CASP2: variants seen among roughly 807,000 people sequenced by gnomAD.
CASP2 encodes the protein caspase-2.
A neutral mutation model predicts 54.4 loss-of-function variants in CASP2; 38 were observed. The observed-to-expected ratio is 0.70, with a 90% CI of 0.54 to 0.92. The LOEUF (loss-of-function observed/expected upper bound fraction) is 0.92. Ranked by LOEUF, CASP2 falls within the 40% of genes least tolerant of loss-of-function variation. CASP2 has a pLI of 0.00. For synonymous variants in CASP2, 215 were observed against 216.3 expected, an observed-to-expected ratio of 0.99 and a Z score of 0.05; for missense variants, 512 against 579.6, an observed-to-expected ratio of 0.88 and a Z score of 1.20.
intron 8 of CASP2, chr7:143,302,549 T>C (rs1801946173): frequency 6.6e-6 from 1 of 152,200 alleles, no homozygotes; most frequent in South Asian, 2.1e-4. Context: ...TTCTCTTCAC[T>C]CTATCCCTAG....
chr7:143,289,653 A>G, intron 1 of CASP2: 1 of 972,644 alleles, frequency 1.0e-6, no homozygotes, highest in Non-Finnish European at 1.2e-6. Flanking sequence ...CTGCTGCACC[A>G]CTGGTTAGTA....
intron 9 of CASP2, 117 bp downstream of exon 9, chr7:143,304,050 T>C: frequency 1.8e-6 from 2 of 1,091,462 alleles, no homozygotes; most frequent in South Asian, 2.7e-5. Context: ...CAGAAGTGTT[T>C]CAGATTTTGG....
At chr7:143,300,542 C>A in intron 8 of CASP2, 1 of 1,536,220 alleles carries the variant, frequency 6.5e-7, no homozygotes, top group Non-Finnish European at 8.7e-7. Context: ...TTTCAGGTCT[C>A]TTATCCCGTG....
At chr7:143,290,481 T>C (rs1024494933) in intron 1 of CASP2, 2 of 152,218 alleles carry the variant, frequency 1.3e-5, no homozygotes, top group Non-Finnish European at 2.9e-5. Context: ...CTGTTACATA[T>C]GTGGAAAATG....
chr7:143,297,774 CTTCT>C (rs1801799797), intron 6 of CASP2, among the ~76,000 whole-genome samples: 1 of 152,340 alleles, frequency 6.6e-6, no homozygotes, highest in Non-Finnish European at 1.5e-5. Flanking sequence ...GCAAAATTAA[CTTCT>C]TTAACTATTA....
At chr7:143,291,389 C>A in intron 1 of CASP2, 151 bp from the exon 2 acceptor site, 1 of 765,868 alleles carries the variant, frequency 1.3e-6, no homozygotes, top group South Asian at 1.5e-5. Context: ...CTGCTTAGTA[C>A]ATCTTTGCTT....
chr7:143,289,734 A>G (rs1801496802), intron 1 of CASP2: 1 of 417,016 alleles, frequency 2.4e-6, no homozygotes, highest in Non-Finnish European at 3.2e-6. Flanking sequence ...ATTCTTAAAT[A>G]GGTTTTTTTA....
chr7:143,291,155 A>G (rs1297714643), intron 1 of CASP2, among the ~76,000 whole-genome samples: 2 of 152,126 alleles, frequency 1.3e-5, no homozygotes, highest in African/African-American at 2.4e-5. Flanking sequence ...AACTTACATC[A>G]CTTTCACCAG....
At position 143,300,068 on chromosome 7, in the gene CASP2, G is replaced by C; in HGVS notation, c.876+17G>C. 1.9e-6 allele frequency: 3 copies of C among 1,614,090 alleles called. No individual in the cohort carries two copies. Among genetic ancestry groups the C allele is most frequent in the Non-Finnish European group, 2.5e-6 (3 of 1,180,018 alleles). On this transcript the variant is annotated intron_variant, in intron 7 of 10. Coordinates refer to ENST00000310447, the MANE Select transcript of CASP2 (RefSeq NM_032982.4). ...CTGCTCCAGGTGCGGATACCCTGGT[G>C]GAAGCCAACTGTTGAAACCAGGCTG... is the stretch of plus-strand genomic sequence containing the variant.
At chr7:143,298,285 T>A (rs1801815718) in intron 6 of CASP2, among the ~76,000 whole-genome samples, 2 of 152,248 alleles carry the variant, frequency 1.3e-5, no homozygotes, top group Non-Finnish European at 2.9e-5. Context: ...CCAGATAACT[T>A]ACTTATTTTC....
chr7:143,299,137 T>A (rs1305570254), intron 6 of CASP2, among the ~76,000 whole-genome samples: 1 of 152,056 alleles, frequency 6.6e-6, no homozygotes. Context: ...TTTTTTTTTT[T>A]AAAGATGGAG....
In CASP2 at chr7:143,300,263, A is replaced by G; in HGVS notation, c.936A>G (p.Pro312=). The stretch of plus-strand genomic sequence containing the variant: ...ACTGCCCAAGCCTACAGAACAAACC[A>G]AAAATGTTCTTCATCCAGGCCTGCC... The part of the protein sequence containing the change: ...NANCPSLQNK[P]KMFFIQACRG... Residue 312 remains proline, a synonymous_variant, in exon 8 of 11, where the codon CCA becomes CCG. Transcript: ENST00000310447. The G allele has an allele frequency of 6.2e-7, 1 of 1,614,114 alleles. No individual in the cohort carries two copies. Among genetic ancestry groups the G allele is most frequent in the Non-Finnish European group, 8.5e-7 (1 of 1,180,024 alleles).
rs200353443 is a variant in CASP2 at position 143,300,238 on chromosome 7, A to G, written c.911A>G (p.Asn304Ser). ...QEVFQLFDNA[N>S]CPSLQNKPKM... is the part of the protein sequence containing the mutation. ...GTTTTTCAGCTCTTTGACAACGCCA[A>G]CTGCCCAAGCCTACAGAACAAACCA... The change falls in exon 8 of 11, where the codon AAC becomes AGC. Residue 304 changes from asparagine to serine, a missense_variant. Asn to Ser is a conservative substitution (Grantham distance 46). This residue lies in a region of CASP2 where 417 missense variants were observed against 495.4 expected (regional missense o/e 0.84). Transcript: ENST00000310447. 6.1e-5 allele frequency: 99 copies of G among 1,614,174 alleles called. No homozygotes were observed. The East Asian group carries it at 1.8e-3, about 29-fold the overall frequency.
intron 1 of CASP2, chr7:143,290,783 C>G (rs1801533687): frequency 6.6e-6 from 1 of 152,442 alleles, no homozygotes; most frequent in South Asian, 2.1e-4. Flanking sequence ...CACCAGGTTG[C>G]CTAAGGAAGG....
chr7:143,300,090 G>A (rs937277837), intron 7 of CASP2, 39 bp downstream of exon 7: 9 of 1,614,048 alleles, frequency 5.6e-6, no homozygotes, highest in African/African-American at 1.3e-5. Context: ...TTGAAACCAG[G>A]CTGCTTTACC....
At position 143,307,561 on chromosome 7, in the gene CASP2, T is replaced by C. The variant is rs1450051711; in HGVS notation, c.*2490T>C. On this transcript the variant is annotated 3_prime_UTR_variant, in exon 11 of 11. Transcript: ENST00000310447. ...TCAATAAATATTTGTTTGGGTGGTT[T>C]GTGAGCCTTGCTGCCAAGTCCTGCC... 2.6e-5 allele frequency: 4 copies of C among 152,228 alleles called. No individual in the cohort carries two copies. The highest frequency in any genetic ancestry group is 1.3e-4 in the Admixed American group (2 of 15,284). The allele number at this position is 152,228 out of a possible 1,614,324, so 9.4% of individuals were successfully genotyped here.
chr7:143,304,694 A>G lies in CASP2; in HGVS notation c.1138A>G (p.Thr380Ala). The G allele has an allele frequency of 6.2e-7, 1 of 1,614,128 alleles. No individual in the cohort carries two copies. The highest frequency in any genetic ancestry group is 8.5e-7 in the Non-Finnish European group (1 of 1,179,984). The stretch of plus-strand genomic sequence containing the variant: ...TGCAGGGACTGCCGCCATGCGGAAC[A>G]CCAAACGAGGTTCCTGGTACATCGA... ...CLKGTAAMRN[T>A]KRGSWYIEAL... Residue 380 changes from threonine to alanine, a missense_variant, in exon 10 of 11, where the codon ACC becomes GCC. This residue lies in a region of CASP2 where 417 missense variants were observed against 495.4 expected (regional missense o/e 0.84). Coordinates refer to ENST00000310447, the MANE Select transcript of CASP2 (RefSeq NM_032982.4).
chr7:143,292,533 C>T, intron 3 of CASP2, 66 bp downstream of exon 3: 1 of 1,604,712 alleles, frequency 6.2e-7, no homozygotes, highest in Non-Finnish European at 8.5e-7. Flanking sequence ...ATTTGTAAGT[C>T]AGAGTGAGGG....
chr7:143,295,610 C>G (rs139122578), intron 6 of CASP2, among the ~76,000 whole-genome samples: 1 of 152,302 alleles, frequency 6.6e-6, no homozygotes, highest in Non-Finnish European at 1.5e-5. Context: ...CTAGGAGATT[C>G]ACTTTGATCT....
Sources: allele counts gnomAD v4.1 joint callset (sites outside exome capture counted in the v4.1 genomes callset), GRCh38; gene constraint gnomAD v4.1.1; regional missense constraint gnomAD v4.1.1; transcripts MANE v1.5; gene names NCBI Gene and HGNC (gene_info 2026-07-23, HGNC 2026-07-21).